Variants in PNPLA1 observed in about 807,000 individuals in gnomAD.
PNPLA1 encodes omega-hydroxyceramide transacylase.
In PNPLA1, 36 loss-of-function variants were observed where a neutral mutation model predicts 51.7. The ratio of observed to expected loss-of-function variants is 0.70; its 90% CI spans 0.53 to 0.92. The LOEUF is 0.92. PNPLA1 is among the 40% of genes least tolerant of loss of function. The probability of loss-of-function intolerance (pLI) is 0.00; values close to 1 mark genes in which losing one functional copy is unlikely to be tolerated. For synonymous variants in PNPLA1, 293 were observed against 280.1 expected, an observed-to-expected ratio of 1.05 and a Z score of -0.46; for missense variants, 658 against 682.5, an observed-to-expected ratio of 0.96 and a Z score of 0.40.
intron 1 of PNPLA1, among the ~76,000 whole-genome samples, chr6:36,272,883 T>C (rs1017567379): frequency 2.6e-5 from 4 of 152,172 alleles, no homozygotes; most frequent in East Asian, 1.9e-4. Context: ...AATTTTTTCT[T>C]TTTAATGTCT....
chr6:36,303,240 G>GCA (rs1355721225), intron 6 of PNPLA1, among the ~76,000 whole-genome samples: 5 of 151,954 alleles, frequency 3.3e-5, no homozygotes, highest in Non-Finnish European at 5.9e-5. Flanking sequence ...GACTACAGAT[G>GCA]CCCGCCACCA....
chr6:36,305,768 C>CTTTTTT (rs72063246), intron 6 of PNPLA1, among the ~76,000 whole-genome samples: 18 of 96,552 alleles, frequency 1.9e-4, no homozygotes, highest in African/African-American at 3.6e-4. Flanking sequence ...TTACTTTTCT[C>CTTTTTT]TTTTTTTTTT....
In PNPLA1 at chr6:36,282,088, A is replaced by AGAAAGAAAGAAAGAAAGAAG. The variant is rs1554136580; in HGVS notation, c.206-9229_206-9228insAGAAAGAAAGAAAGAAGGAA. Among the ~76,000 whole-genome samples, 107 of 98,756 alleles carry AGAAAGAAAGAAAGAAAGAAG rather than the reference A, an allele frequency of 1.1e-3. 1 individual carries two copies. Among genetic ancestry groups the AGAAAGAAAGAAAGAAAGAAG allele is most frequent in the South Asian group, 3.8e-3 (10 of 2,642 alleles). 64.8% of individuals were successfully genotyped at this position (98,756 alleles called of 152,430 possible). ...AAGAAAGAAAGAAAGAAAGAAAGAA[A>AGAAAGAAAGAAAGAAAGAAG]GAAGGAAGGAAGGAAGGAAGGAAGG... On this transcript the variant is annotated intron_variant, in intron 1 of 8. Coordinates refer to ENST00000636260, the MANE Select transcript of PNPLA1 (RefSeq NM_001374623.1).
chr6:36,277,358 G>A (rs538729699), intron 1 of PNPLA1, among the ~76,000 whole-genome samples: 14 of 152,318 alleles, frequency 9.2e-5, no homozygotes, highest in African/African-American at 3.1e-4. Context: ...TAGTCACATG[G>A]TCACACCTGA....
intron 1 of PNPLA1, among the ~76,000 whole-genome samples, chr6:36,284,555 TCATCCATCCATCCATC>T (rs66750925): frequency 8.8e-5 from 13 of 148,306 alleles, no homozygotes; most frequent in South Asian, 8.7e-4. Context: ...ATCCATCCAC[TCATCCATCCATCCATC>T]CATCCATCCA....
intron 6 of PNPLA1, 129 bp downstream of exon 6, chr6:36,302,598 C>A: frequency 7.9e-7 from 1 of 1,272,452 alleles, no homozygotes; most frequent in Non-Finnish European, 1.1e-6. Context: ...GCTTTAGCAT[C>A]TCTGTCCATT....
Position 36,294,330 on chromosome 6 carries a change from C to T in PNPLA1, c.645C>T (p.Asn215=). 2 of 1,614,228 alleles carry T rather than the reference C, an allele frequency of 1.2e-6. No homozygotes were observed. The highest frequency in any genetic ancestry group is 1.7e-6 in the Non-Finnish European group (2 of 1,180,032). The part of the protein sequence containing the change: ...PAIFHDFRMF[N]CSFQFSLENI... ...TCTTCCACGACTTCCGCATGTTCAA[C>T]TGCTCCTTCCAGTTCTCCCTGGAGA... The change falls in exon 4 of 9, where the codon AAC becomes AAT. Residue 215 remains asparagine (N), a synonymous_variant. Coordinates refer to ENST00000636260, the MANE Select transcript of PNPLA1 (RefSeq NM_001374623.1). The surrounding 1 kb of genome is among the most constrained non-coding windows in gnomAD (Gnocchi z 4.2).
chr6:36,277,755 T>G (rs1012762251), intron 1 of PNPLA1, among the ~76,000 whole-genome samples: 1 of 152,180 alleles, frequency 6.6e-6, no homozygotes, highest in African/African-American at 2.4e-5. Context: ...TCCCAGCTAC[T>G]CAGGAGGCTG....
rs1362928606 is a variant in PNPLA1, at chr6:36,306,281, T to C, written c.1385-11T>C. The C allele has an allele frequency of 6.2e-7, 1 of 1,605,930 alleles. No individual in the cohort carries two copies. The highest frequency in any genetic ancestry group is 8.5e-7 in the Non-Finnish European group (1 of 1,176,474). On this transcript the variant is annotated splice_polypyrimidine_tract_variant and intron_variant, in intron 6 of 8. Coordinates refer to ENST00000636260, the MANE Select transcript of PNPLA1 (RefSeq NM_001374623.1). ...CCATCTCACTCCCGTTTCCTATATC[T>C]TTACTTTTAGCTGTAGCTCTTCTTG...
chr6:36,273,941 G>A (rs749917384), intron 1 of PNPLA1, among the ~76,000 whole-genome samples: 6 of 151,998 alleles, frequency 3.9e-5, no homozygotes, highest in Admixed American at 6.6e-5. Context: ...CGTAATTATC[G>A]CAGAAGTCCA....
At chr6:36,289,612 GA>G (rs11360510) in intron 1 of PNPLA1, among the ~76,000 whole-genome samples, 84,798 of 148,732 alleles carry the variant, frequency 0.57, 24,694 homozygotes, top group African/African-American at 0.7. Context: ...CTGAAGGTTC[GA>G]AAAAAAAAAA....
At chr6:36,292,298 C>T (rs1401821378) in intron 2 of PNPLA1, among the ~76,000 whole-genome samples, 2 of 152,138 alleles carry the variant, frequency 1.3e-5, no homozygotes, top group African/African-American at 2.4e-5. Flanking sequence ...CTCCGTCCCT[C>T]AGGCCCCCTG....
chr6:36,249,146 G>A lies in PNPLA1; in HGVS notation c.-81+5885G>A, dbSNP rs116303215. On this transcript the variant is annotated intron_variant, in intron 1 of 7. Coordinates refer to the PNPLA1 transcript ENST00000312917. ...TCCTCCTAGAGACTTCCCAAGGCTT[G>A]TGTTACACAGGACATGAGTAAACAT... Among the ~76,000 whole-genome samples, 455 of 152,300 alleles carry A rather than the reference G, an allele frequency of 3.0e-3. 1 individual carries two copies. The highest frequency in any genetic ancestry group is 0.01 in the African/African-American group (423 of 41,566).
Position 36,307,577 on chromosome 6 carries a change from CTT to C in PNPLA1, c.1470-8_1470-7del, listed in dbSNP as rs752798853. The stretch of plus-strand genomic sequence containing the variant: ...CCATAATGAACCATCTACTTAATCT[CTT>C]TGCCTAGGGAGAGCCCTGCTGAAGA... On this transcript the variant is annotated splice_region_variant and splice_polypyrimidine_tract_variant and intron_variant, in intron 7 of 8. Transcript: ENST00000636260. 4 of 1,612,708 alleles carry C rather than the reference CTT, an allele frequency of 2.5e-6. No individual in the cohort carries two copies. Among genetic ancestry groups the C allele is most frequent in the Non-Finnish European group, 2.5e-6 (3 of 1,179,350 alleles).
intron 1 of PNPLA1, among the ~76,000 whole-genome samples, chr6:36,284,245 A>G (rs1179551022): frequency 6.6e-6 from 1 of 152,234 alleles, no homozygotes; most frequent in Admixed American, 6.5e-5. Flanking sequence ...AATCGGATAT[A>G]AGCCAGTCTG....
chr6:36,265,738 TG>T (rs1370503828), upstream of PNPLA1, among the ~76,000 whole-genome samples: 4 of 152,152 alleles, frequency 2.6e-5, no homozygotes, highest in Admixed American at 2.6e-4. Flanking sequence ...ACAAATGGTG[TG>T]GGGGTTGGTG....
intron 1 of PNPLA1, among the ~76,000 whole-genome samples, chr6:36,257,147 G>A (rs927217538): frequency 2.0e-5 from 3 of 152,112 alleles, no homozygotes; most frequent in African/African-American, 7.2e-5. Context: ...AGAAGCTTCT[G>A]GGTGGAGAAC....
At chr6:36,249,258 CT>C (rs1383005494) in intron 1 of PNPLA1, among the ~76,000 whole-genome samples, 1 of 152,130 alleles carries the variant, frequency 6.6e-6, no homozygotes, top group Non-Finnish European at 1.5e-5. Flanking sequence ...TACATTCTTC[CT>C]TTTATTTCCT....
chr6:36,289,113 A>T lies in PNPLA1; in HGVS notation c.206-2207A>T, dbSNP rs147799093. Among the ~76,000 whole-genome samples the T allele has an allele frequency of 6.8e-3, 1,043 of 152,308 alleles. 11 individuals carry two copies. The highest frequency in any genetic ancestry group is 0.023 in the African/African-American group (953 of 41,560). Reference sequence around the variant, plus strand: ...TCTCTAGGAGGAGGGATTCCAAGACATTTTAATTTTTTTCTTTCTGCTTAT... The same window carrying T: ...TCTCTAGGAGGAGGGATTCCAAGACTTTTTAATTTTTTTCTTTCTGCTTAT... On this transcript the variant is annotated intron_variant, in intron 1 of 8. Coordinates refer to ENST00000636260, the MANE Select transcript of PNPLA1 (RefSeq NM_001374623.1).
Sources: allele counts gnomAD v4.1 joint callset (sites outside exome capture counted in the v4.1 genomes callset), GRCh38; gene constraint gnomAD v4.1.1; non-coding constraint Gnocchi (gnomAD v3.1); transcripts MANE v1.5; gene names NCBI Gene and HGNC (gene_info 2026-07-23, HGNC 2026-07-21).